Variants in GAREM1 observed in about 807,000 individuals in gnomAD.
GAREM1 encodes the protein GRB2-associated and regulator of MAPK protein 1.
GAREM1 carries 26 observed loss-of-function variants against 71.3 expected under a neutral mutation model. That is an observed-to-expected ratio of 0.36 (90% confidence interval 0.27 to 0.51). The LOEUF is 0.51. GAREM1 is among the 20% of genes least tolerant of loss of function. The pLI is 0.95. For missense variants in GAREM1, 1,026 were observed against 1,103.1 expected (o/e 0.93, Z 0.99); for synonymous variants, 440 against 433.2 (o/e 1.02, Z -0.20).
At chr18:32,325,729 G>A (rs1414995830) in intron 2 of GAREM1, among the ~76,000 whole-genome samples, 1 of 152,188 alleles carries the variant, frequency 6.6e-6, no homozygotes, top group Non-Finnish European at 1.5e-5. Flanking sequence ...AACAGGTAGT[G>A]TATTAACTTC....
intron 1 of GAREM1, among the ~76,000 whole-genome samples, chr18:32,424,129 C>G (rs2048549919): frequency 6.6e-6 from 1 of 151,842 alleles, no homozygotes; most frequent in Non-Finnish European, 1.5e-5. Flanking sequence ...TAGTGAGACC[C>G]CCATCTCCCC....
chr18:32,357,873 AAC>A (rs952205359), intron 2 of GAREM1, among the ~76,000 whole-genome samples: 1 of 152,218 alleles, frequency 6.6e-6, no homozygotes. Flanking sequence ...AAAACAGCAG[AAC>A]ACACATACCC....
At chr18:32,367,548 T>C (rs1177744801) in intron 2 of GAREM1, among the ~76,000 whole-genome samples, 4 of 152,252 alleles carry the variant, frequency 2.6e-5, no homozygotes, top group African/African-American at 9.6e-5. Context: ...TCACCCAGTT[T>C]TGAGGTTACC....
intron 1 of GAREM1, among the ~76,000 whole-genome samples, chr18:32,433,243 C>CA (rs1191474791): frequency 6.6e-6 from 1 of 150,492 alleles, no homozygotes; most frequent in Non-Finnish European, 1.5e-5. Context: ...TTAAAAAACA[C>CA]AAAAAAACTT....
intron 2 of GAREM1, among the ~76,000 whole-genome samples, chr18:32,318,025 T>G (rs188560385): frequency 6.6e-6 from 1 of 152,174 alleles, no homozygotes; most frequent in African/African-American, 2.4e-5. Flanking sequence ...ACTGTCAAAC[T>G]CTGTTCTTGA....
intron 1 of GAREM1, among the ~76,000 whole-genome samples, chr18:32,396,320 T>C (rs1412456538): frequency 6.6e-6 from 1 of 151,952 alleles, no homozygotes; most frequent in Non-Finnish European, 1.5e-5. Context: ...GAAGAATGAC[T>C]TTGAAGAGAA....
In GAREM1 at chr18:32,263,988, T is replaced by G. The variant is rs561685982; in HGVS notation, c.*3883A>C. ...GAAGATATTTGTATATAGTTTAAAC[T>G]GAAATCACGTTTATTCCTTGTTTCT... On this transcript the variant is annotated 3_prime_UTR_variant, in exon 6 of 6. Coordinates refer to ENST00000269209, the MANE Select transcript of GAREM1 (RefSeq NM_001242409.2). 1.3e-5 allele frequency: 2 copies of G among 152,336 alleles called. No individual in the cohort carries two copies. Among genetic ancestry groups the G allele is most frequent in the South Asian group, 4.1e-4 (2 of 4,830 alleles). 9.4% of individuals were successfully genotyped at this position (152,336 alleles called of 1,614,324 possible). A position where few individuals can be genotyped will look rare whatever the true frequency, so the allele number is the denominator to read the frequency against.
At chr18:32,393,554 C>T (rs2048223575) in intron 1 of GAREM1, among the ~76,000 whole-genome samples, 1 of 152,056 alleles carries the variant, frequency 6.6e-6, no homozygotes, top group Admixed American at 6.5e-5. Flanking sequence ...GATTTAATCA[C>T]CACAATAAAG....
At chr18:32,336,609 C>A (rs1242945668) in intron 2 of GAREM1, among the ~76,000 whole-genome samples, 1 of 152,090 alleles carries the variant, frequency 6.6e-6, no homozygotes, top group Non-Finnish European at 1.5e-5. Flanking sequence ...GGGATTTATA[C>A]AATTATTGAA....
chr18:32,427,338 C>T (rs1450775817), intron 1 of GAREM1, among the ~76,000 whole-genome samples: 1 of 152,114 alleles, frequency 6.6e-6, no homozygotes, highest in African/African-American at 2.4e-5. Context: ...AATTATTCTT[C>T]CCAAATTTAT....
At chr18:32,270,895 A>ATTTT (rs1484397867) in intron 4 of GAREM1, among the ~76,000 whole-genome samples, 1 of 89,230 alleles carries the variant, frequency 1.1e-5, no homozygotes, top group Non-Finnish European at 2.7e-5. Flanking sequence ...ATGTTCAGGG[A>ATTTT]TGTTTTTTTT....
At chr18:32,310,586 A>G (rs558124712) in intron 2 of GAREM1, among the ~76,000 whole-genome samples, 1 of 152,312 alleles carries the variant, frequency 6.6e-6, no homozygotes, top group African/African-American at 2.4e-5. Context: ...ATCAAACTGA[A>G]TGAATGCTTA....
intron 1 of GAREM1, among the ~76,000 whole-genome samples, chr18:32,418,846 TAGAC>T (rs1368742202): frequency 6.6e-6 from 1 of 152,168 alleles, no homozygotes; most frequent in Non-Finnish European, 1.5e-5. Flanking sequence ...TCAGCGTAAG[TAGAC>T]AGAAATGAAG....
At chr18:32,364,027 T>C (rs1179798084) in intron 2 of GAREM1, among the ~76,000 whole-genome samples, 1 of 66,574 alleles carries the variant, frequency 1.5e-5, no homozygotes, top group African/African-American at 9.5e-5. Flanking sequence ...TATATATATA[T>C]GTTTTTTTTT....
intron 2 of GAREM1, among the ~76,000 whole-genome samples, chr18:32,352,948 T>C (rs1020675971): frequency 6.6e-6 from 1 of 152,152 alleles, no homozygotes; most frequent in Non-Finnish European, 1.5e-5. Flanking sequence ...ACAACAGACA[T>C]AAAATATAAA....
intron 2 of GAREM1, among the ~76,000 whole-genome samples, chr18:32,320,018 A>G (rs1193700529): frequency 1.3e-5 from 2 of 152,214 alleles, no homozygotes; most frequent in Non-Finnish European, 2.9e-5. Context: ...CATTGGTGGG[A>G]AAATGCCTAA....
chr18:32,376,254 G>T (rs541677339), intron 2 of GAREM1, among the ~76,000 whole-genome samples: 1 of 152,234 alleles, frequency 6.6e-6, no homozygotes, highest in South Asian at 2.1e-4. Context: ...AGATTTAATT[G>T]TCTCCACTTA....
chr18:32,352,018 A>G (rs1338884854), intron 2 of GAREM1, among the ~76,000 whole-genome samples: 1 of 152,206 alleles, frequency 6.6e-6, no homozygotes, highest in African/African-American at 2.4e-5. Context: ...ATTACAAAGT[A>G]CTTTTAGAGC....
At position 32,365,103 on chromosome 18, in the gene GAREM1, C is replaced by T. The variant is rs1291240717; in HGVS notation, c.262+27792G>A. On this transcript the variant is annotated intron_variant, in intron 2 of 5. Transcript: ENST00000269209. ...TTTTTTCCTGCTAACACTATGGTGACAAGGAATTTTTTTAAATGAGCGGAG... is the reference window on the plus strand; with the variant it reads ...TTTTTTCCTGCTAACACTATGGTGATAAGGAATTTTTTTAAATGAGCGGAG... 3.9e-5 allele frequency among the ~76,000 whole-genome samples: 6 copies of T among 151,982 alleles called. No individual in the cohort carries two copies. In the East Asian group the frequency reaches 1.2e-3, roughly 29 times the overall value.
Sources: allele counts gnomAD v4.1 joint callset (sites outside exome capture counted in the v4.1 genomes callset), GRCh38; gene constraint gnomAD v4.1.1; transcripts MANE v1.5; gene names NCBI Gene and HGNC (gene_info 2026-07-23, HGNC 2026-07-21).